Variants in MAGEB10 observed in about 807,000 individuals in gnomAD.
MAGEB10 encodes the protein MAGE family member B10.
For missense variants in MAGEB10, 190 were observed against 261.9 expected (o/e 0.73, Z 1.89); for synonymous variants, 99 against 101.0 (o/e 0.98, Z 0.12).
At chrX:27,819,247 C>T (rs1426966785) in intron 2 of MAGEB10, among the ~76,000 whole-genome samples, 1 of 110,169 alleles carries the variant, frequency 9.1e-6, no homozygotes, top group Non-Finnish European at 1.9e-5. Flanking sequence ...CAATGAAAGA[C>T]CCCTATGCAA....
chrX:27,809,635 G>A (rs865861701), intron 1 of MAGEB10, among the ~76,000 whole-genome samples: 9 of 67,773 alleles, frequency 1.3e-4, no homozygotes, highest in African/African-American at 3.9e-4. Context: ...CCCGCTCTGC[G>A]GTGCCCAGTC....
At chrX:27,821,012 A>T (rs913193456) in intron 2 of MAGEB10, among the ~76,000 whole-genome samples, 34 of 111,464 alleles carry the variant, frequency 3.1e-4, no homozygotes, top group African/African-American at 1.1e-3. Context: ...GGGCCTCCAC[A>T]AAGCCTGGAC....
chrX:27,811,499 T>C (rs1923682334), intron 1 of MAGEB10, among the ~76,000 whole-genome samples: 1 of 110,637 alleles, frequency 9.0e-6, no homozygotes, highest in South Asian at 3.9e-4. Context: ...AGTTCAGCAG[T>C]GAGATAACAG....
At chrX:27,820,395 G>T (rs1010545401) in intron 2 of MAGEB10, among the ~76,000 whole-genome samples, 11 of 111,064 alleles carry the variant, frequency 9.9e-5, no homozygotes, top group African/African-American at 2.9e-4. Flanking sequence ...GACAGGTCCA[G>T]GACAGGGCCT....
chrX:27,822,298 C>T lies in MAGEB10; in HGVS notation c.992C>T (p.Thr331Ile). 8.3e-7 allele frequency: 1 copy of T among 1,211,569 alleles called. No homozygotes were observed. Among genetic ancestry groups the T allele is most frequent in the Non-Finnish European group, 1.1e-6 (1 of 895,449 alleles). ...GCAGCCAAGGCTCGCGTTAGTGCCA[C>T]AGCCGGTGCACGTTCCAAGGTTAAG... is the stretch of plus-strand genomic sequence containing the variant. ...RVAAKARVSA[T>I]AGARSKVKSS... Residue 331 changes from threonine to isoleucine, a missense_variant, in exon 3 of 3, where the codon ACA becomes ATA. Coordinates refer to ENST00000356790, the MANE Select transcript of MAGEB10 (RefSeq NM_182506.3).
At chrX:27,819,572 C>T (rs1443399407) in intron 2 of MAGEB10, among the ~76,000 whole-genome samples, 4 of 111,454 alleles carry the variant, frequency 3.6e-5, no homozygotes, top group African/African-American at 1.3e-4. Context: ...CCCTGGGAGA[C>T]CCTGGACAGG....
chrX:27,810,881 C>T (rs1923667968), intron 1 of MAGEB10, among the ~76,000 whole-genome samples: 1 of 110,411 alleles, frequency 9.1e-6, no homozygotes. Flanking sequence ...AGGGAGGTGA[C>T]TCAGGCCCTT....
In MAGEB10 at chrX:27,812,784, G is replaced by A. The variant is rs562395862; in HGVS notation, c.-199+4748G>A. On this transcript the variant is annotated intron_variant, in intron 1 of 2. Transcript: ENST00000356790. The stretch of plus-strand genomic sequence containing the variant: ...CAAGATCCATGGTACAGTCCCCAGT[G>A]CCTTCCCATCCCATTATGAAGAGGC... 1.7e-4 allele frequency: 59 copies of A among 348,886 alleles called. 1 individual carries two copies. Among genetic ancestry groups the A allele is most frequent in the African/African-American group, 1.3e-3 (49 of 38,287 alleles). The allele number at this position is 348,886 out of a possible 1,213,427, so 28.8% of individuals were successfully genotyped here.
chrX:27,811,437 C>A (rs927566903), intron 1 of MAGEB10, among the ~76,000 whole-genome samples: 3 of 111,655 alleles, frequency 2.7e-5, no homozygotes, highest in Non-Finnish European at 5.6e-5. Flanking sequence ...AATTTCTTGT[C>A]TGGGGAGTCA....
At position 27,821,871 on chromosome X, in the gene MAGEB10, G is replaced by A. The variant is rs748209592; in HGVS notation, c.565G>A (p.Asp189Asn). Residue 189 changes from aspartate to asparagine, a missense_variant, in exon 3 of 3, where the codon GAT becomes AAT. By Grantham distance (23) the Asp-to-Asn change is conservative. Transcript: ENST00000356790. ...TGTCAACAAACTAGATCTAGGCTGTGATGCAAAGCTGAGTGATGAAACAGG... is the reference window on the plus strand; with the variant it reads ...TGTCAACAAACTAGATCTAGGCTGTAATGCAAAGCTGAGTGATGAAACAGG... The part of the protein sequence containing the change: ...VLVNKLDLGC[D>N]AKLSDETGVP... The A allele has an allele frequency of 8.3e-7, 1 of 1,211,885 alleles. No individual in the cohort carries two copies. Among genetic ancestry groups the A allele is most frequent in the Admixed American group, 2.2e-5 (1 of 46,019 alleles).
rs888252251 is a variant in MAGEB10, at chrX:27,821,859, G to C, written c.553G>C (p.Asp185His). 2 of 1,209,982 alleles carry C rather than the reference G, an allele frequency of 1.7e-6. No individual in the cohort carries two copies. Among genetic ancestry groups the C allele is most frequent in the African/African-American group, 1.8e-5 (1 of 57,073 alleles). ...CATCTATGTCCTTGTCAACAAACTA[G>C]ATCTAGGCTGTGATGCAAAGCTGAG... ...KHIYVLVNKL[D>H]LGCDAKLSDE... Residue 185 changes from aspartate (D) to histidine (H), a missense_variant, in exon 3 of 3, where the codon GAT becomes CAT. Physicochemically the swap from Asp to His is moderately conservative, Grantham distance 81. Coordinates refer to ENST00000356790, the MANE Select transcript of MAGEB10 (RefSeq NM_182506.3).
rs1386260435 is a variant in MAGEB10 at position 27,822,066 on chromosome X, A to G, written c.760A>G (p.Lys254Glu). Residue 254 changes from lysine to glutamate, a missense_variant, in exon 3 of 3, where the codon AAA becomes GAA. By Grantham distance (56) the Lys-to-Glu change is moderately conservative. Transcript: ENST00000356790. ...PRKLLTKDLVKENYLEYQQVP... is the reference protein window; with the variant it reads ...PRKLLTKDLVEENYLEYQQVP... ...GAAGCTCCTTACCAAAGATTTGGTG[A>G]AAGAAAATTACCTGGAGTACCAGCA... 1 of 1,212,160 alleles carries G rather than the reference A, an allele frequency of 8.2e-7. No individual in the cohort carries two copies. Among genetic ancestry groups the G allele is most frequent in the Admixed American group, 2.2e-5 (1 of 46,079 alleles).
Position 27,821,897 on chromosome X carries a change from C to T in MAGEB10, c.591C>T (p.Gly197=), listed in dbSNP as rs374712101. ...ATGCAAAGCTGAGTGATGAAACAGGCGTGCCCAAGACTGGCCTGCTGATGA... is the reference window on the plus strand; with the variant it reads ...ATGCAAAGCTGAGTGATGAAACAGGTGTGCCCAAGACTGGCCTGCTGATGA... ...GCDAKLSDET[G]VPKTGLLMTV... Residue 197 remains glycine, a synonymous_variant, in exon 3 of 3, where the codon GGC becomes GGT. Transcript: ENST00000356790. 36 of 1,209,795 alleles carry T rather than the reference C, an allele frequency of 3.0e-5. No homozygotes were observed. The highest frequency in any genetic ancestry group is 5.3e-5 in the African/African-American group (3 of 57,051).
intron 1 of MAGEB10, among the ~76,000 whole-genome samples, chrX:27,814,740 C>T (rs771277659): frequency 3.6e-5 from 4 of 111,954 alleles, no homozygotes; most frequent in Admixed American, 9.5e-5. Context: ...AAGCCTGAGC[C>T]TCATAGAGCT....
chrX:27,817,953 G>A (rs1443149308), intron 2 of MAGEB10, among the ~76,000 whole-genome samples: 1 of 110,881 alleles, frequency 9.0e-6, no homozygotes, highest in Non-Finnish European at 1.9e-5. Flanking sequence ...GAGAACTCAG[G>A]GCACGGGGTA....
intron 1 of MAGEB10, among the ~76,000 whole-genome samples, chrX:27,813,778 C>A (rs1016057918): frequency 1.3e-4 from 15 of 111,610 alleles, no homozygotes; most frequent in Non-Finnish European, 2.1e-4. Flanking sequence ...GGGCCAGATC[C>A]TCAAAAAGAC....
rs145120462 is a variant in MAGEB10, at chrX:27,812,266, A to C, written c.-199+4230A>C. 1,302 of 169,015 alleles carry C rather than the reference A, an allele frequency of 7.7e-3. 6 individuals carry two copies. The highest frequency in any genetic ancestry group is 0.012 in the Non-Finnish European group (1,038 of 84,001). 13.9% of individuals were successfully genotyped at this position (169,015 alleles called of 1,213,427 possible). A position where few individuals can be genotyped will look rare whatever the true frequency, so the allele number is the denominator to read the frequency against. On this transcript the variant is annotated intron_variant, in intron 1 of 2. Transcript: ENST00000356790. ...TACCTGCTGTACAAATGTCAAATGCAAGAGCCCATTACAAAGGCAGATATG... is the reference window on the plus strand; with the variant it reads ...TACCTGCTGTACAAATGTCAAATGCCAGAGCCCATTACAAAGGCAGATATG...
chrX:27,820,068 A>G (rs10856384), intron 2 of MAGEB10, among the ~76,000 whole-genome samples: 55,205 of 109,359 alleles, frequency 0.5, 10,437 homozygotes, highest in Middle Eastern at 0.58. Context: ...CCAAGGTTAC[A>G]GCCTCAGGCC....
chrX:27,817,695 T>C lies in MAGEB10; in HGVS notation c.-57T>C, dbSNP rs1288471407. 1 of 111,164 alleles carries C rather than the reference T, an allele frequency of 9.0e-6. No individual in the cohort carries two copies. The highest frequency in any genetic ancestry group is 1.9e-5 in the Non-Finnish European group (1 of 53,119). 9.2% of individuals were successfully genotyped at this position (111,164 alleles called of 1,213,427 possible). A position where few individuals can be genotyped will look rare whatever the true frequency, so the allele number is the denominator to read the frequency against. On this transcript the variant is annotated 5_prime_UTR_variant, in exon 2 of 3. Coordinates refer to ENST00000356790, the MANE Select transcript of MAGEB10 (RefSeq NM_182506.3). The stretch of plus-strand genomic sequence containing the variant: ...GAGTACAGTTGGGAGCCACTGTACC[T>C]GGTTACTGTGAGTTTTAAATATACA...
Sources: allele counts gnomAD v4.1 joint callset (sites outside exome capture counted in the v4.1 genomes callset), GRCh38; gene constraint gnomAD v4.1.1; transcripts MANE v1.5; gene names NCBI Gene and HGNC (gene_info 2026-07-23, HGNC 2026-07-21).